The following AGMO variants were observed in gnomAD, a reference collection of about 807,000 sequenced individuals.
AGMO encodes the protein alkylglycerol monooxygenase.
Under a neutral mutation model 60.2 loss-of-function variants are expected in AGMO, and 75 were observed. The observed-to-expected ratio is 1.25, with a 90% confidence interval of 1.03 to 1.51. AGMO has a LOEUF of 1.51. Among genes scored for constraint, AGMO ranks in the 40% most tolerant of loss-of-function variants. The pLI is 0.00. For synonymous variants in AGMO, 261 were observed against 177.1 expected (o/e 1.47, Z -3.76); for missense variants, 763 against 525.5 (o/e 1.45, Z -4.42).
intron 12 of AGMO, among the ~76,000 whole-genome samples, chr7:15,263,170 A>G (rs1783326070): frequency 6.6e-6 from 1 of 152,144 alleles, no homozygotes; most frequent in African/African-American, 2.4e-5. Flanking sequence ...AAATCTTCAC[A>G]ATCCATACAC....
chr7:15,464,046 T>C (rs1265518428), intron 3 of AGMO, among the ~76,000 whole-genome samples: 2 of 152,216 alleles, frequency 1.3e-5, no homozygotes, highest in African/African-American at 4.8e-5. Flanking sequence ...TAATATTCTC[T>C]AGTAATAGCC....
At chr7:15,296,621 A>T (rs1325696303) in intron 12 of AGMO, among the ~76,000 whole-genome samples, 1 of 152,202 alleles carries the variant, frequency 6.6e-6, no homozygotes, top group African/African-American at 2.4e-5. Flanking sequence ...TAACATTTGT[A>T]ATAATAAGCA....
intron 3 of AGMO, among the ~76,000 whole-genome samples, chr7:15,513,547 T>C (rs1000243734): frequency 7.2e-5 from 11 of 152,200 alleles, no homozygotes; most frequent in African/African-American, 2.7e-4. Context: ...CTTTTACTCC[T>C]ACTCTCTTGT....
chr7:15,249,223 A>G (rs1782857523), intron 12 of AGMO, among the ~76,000 whole-genome samples: 1 of 152,206 alleles, frequency 6.6e-6, no homozygotes, highest in Admixed American at 6.5e-5. Context: ...TGGAAGGTAT[A>G]TCTGACTTTA....
At chr7:15,127,844 G>A in the AGMO span, among the ~76,000 whole-genome samples, 41 of 152,124 alleles carry the variant, frequency 2.7e-4, no homozygotes, top group African/African-American at 9.6e-4. Context: ...TTTTGGAAAT[G>A]TAGTAAAAAT....
chr7:15,233,013 A>T (rs1782303357), intron 12 of AGMO, among the ~76,000 whole-genome samples: 1 of 152,174 alleles, frequency 6.6e-6, no homozygotes. Context: ...ATGATTGCAT[A>T]GATGGAATTT....
intron 12 of AGMO, among the ~76,000 whole-genome samples, chr7:15,208,278 C>A (rs946322728): frequency 6.6e-6 from 1 of 152,178 alleles, no homozygotes; most frequent in Middle Eastern, 3.4e-3. Context: ...TAATAAAGGA[C>A]CAAATATCAT....
chr7:15,497,639 T>C (rs1446961721), intron 3 of AGMO, among the ~76,000 whole-genome samples: 1 of 152,042 alleles, frequency 6.6e-6, no homozygotes, highest in African/African-American at 2.4e-5. Context: ...TTTAGTCCTA[T>C]TAACACTAAA....
intron 12 of AGMO, among the ~76,000 whole-genome samples, chr7:15,215,387 G>T (rs1188535164): frequency 6.6e-6 from 1 of 151,462 alleles, no homozygotes; most frequent in East Asian, 1.9e-4. Flanking sequence ...TTACTGTGAT[G>T]AAGTGAGTTA....
intron 12 of AGMO, among the ~76,000 whole-genome samples, chr7:15,208,574 T>A (rs1269923252): frequency 6.6e-6 from 1 of 152,210 alleles, no homozygotes; most frequent in Non-Finnish European, 1.5e-5. Context: ...CTAGCTTGAC[T>A]CTCTGCTGAG....
intron 3 of AGMO, among the ~76,000 whole-genome samples, chr7:15,530,880 T>C (rs1311615714): frequency 7.1e-6 from 1 of 140,944 alleles, no homozygotes; most frequent in East Asian, 2.0e-4. Flanking sequence ...TAGATGACTG[T>C]ATTCCAGATG....
intron 3 of AGMO, among the ~76,000 whole-genome samples, chr7:15,463,543 C>T (rs1583578354): frequency 6.6e-6 from 1 of 152,116 alleles, no homozygotes; most frequent in South Asian, 2.1e-4. Context: ...ATTCTATGTA[C>T]TTTCGAGCAA....
rs575615612 is a variant in AGMO at position 15,417,710 on chromosome 7, G to A, written c.609+848C>T. On this transcript the variant is annotated intron_variant, in intron 5 of 12. Coordinates refer to ENST00000342526, the MANE Select transcript of AGMO (RefSeq NM_001004320.2). Reference sequence around the variant, plus strand: ...TCTCTTTATTCCAAGTAAATCAGTAGCATAAAATACTGCAGGTTAATGGAA... The same window carrying A: ...TCTCTTTATTCCAAGTAAATCAGTAACATAAAATACTGCAGGTTAATGGAA... Among the ~76,000 whole-genome samples the A allele has an allele frequency of 3.3e-5, 5 of 152,264 alleles. No individual in the cohort carries two copies. The South Asian group carries it at 1.0e-3, about 32-fold the overall frequency.
intron 3 of AGMO, among the ~76,000 whole-genome samples, chr7:15,488,170 C>G (rs1170663076): frequency 1.3e-5 from 2 of 152,152 alleles, no homozygotes; most frequent in Non-Finnish European, 2.9e-5. Flanking sequence ...AGTTATTCAA[C>G]CTGAGCTTTT....
At chr7:15,386,144 G>A (rs906569752) in intron 9 of AGMO, among the ~76,000 whole-genome samples, 1 of 151,354 alleles carries the variant, frequency 6.6e-6, no homozygotes, top group East Asian at 1.9e-4. Flanking sequence ...CTGCATGACT[G>A]TTCTCCAACC....
chr7:15,316,861 G>A (rs1780941986), intron 12 of AGMO, among the ~76,000 whole-genome samples: 1 of 152,018 alleles, frequency 6.6e-6, no homozygotes, highest in Non-Finnish European at 1.5e-5. Flanking sequence ...GATTATTTTA[G>A]ACAGTATGTA....
At chr7:15,417,172 C>A (rs1472079379) in intron 5 of AGMO, among the ~76,000 whole-genome samples, 4 of 152,272 alleles carry the variant, frequency 2.6e-5, no homozygotes, top group Non-Finnish European at 5.9e-5. Flanking sequence ...GGAACCCACA[C>A]ATAGTAAAGT....
intron 3 of AGMO, among the ~76,000 whole-genome samples, chr7:15,479,160 T>C (rs890737095): frequency 6.6e-6 from 1 of 152,136 alleles, no homozygotes; most frequent in Non-Finnish European, 1.5e-5. Context: ...ATTACGGACA[T>C]TAAATATGAT....
intron 12 of AGMO, among the ~76,000 whole-genome samples, chr7:15,234,360 T>C (rs1782353639): frequency 6.6e-6 from 1 of 152,166 alleles, no homozygotes; most frequent in Non-Finnish European, 1.5e-5. Context: ...TCTTCCTCAC[T>C]TTCCCCCACA....
Sources: allele counts gnomAD v4.1 joint callset (sites outside exome capture counted in the v4.1 genomes callset), GRCh38; gene constraint gnomAD v4.1.1; transcripts MANE v1.5; gene names NCBI Gene and HGNC (gene_info 2026-07-23, HGNC 2026-07-21).